The following NHSL1 variants were observed in gnomAD, a reference collection of about 807,000 sequenced individuals.
NHSL1 encodes the protein NHS like 1.
In NHSL1, 48 loss-of-function variants were observed where a neutral mutation model predicts 95.0. That is an observed-to-expected ratio of 0.51 (90% CI 0.40 to 0.64). NHSL1 has a LOEUF of 0.64. Ranked by LOEUF, NHSL1 falls within the 30% of genes least tolerant of loss-of-function variation. The pLI, the probability that NHSL1 is intolerant of heterozygous loss-of-function variation, is 0.00. For missense variants in NHSL1, 1,971 were observed against 2,077.7 expected (o/e 0.95, Z 1.00); for synonymous variants, 783 against 833.9 (o/e 0.94, Z 1.05).
intron 2 of NHSL1, among the ~76,000 whole-genome samples, chr6:138,475,524 G>A (rs73573251): frequency 0.076 from 11,510 of 151,956 alleles, 1,396 homozygotes; most frequent in African/African-American, 0.26. Flanking sequence ...CACTGAACCC[G>A]GTCTGATTAG....
rs942876987 is a variant in NHSL1 at position 138,609,979 on chromosome 6, T to C, written c.96+82497A>G. 2.6e-5 allele frequency among the ~76,000 whole-genome samples: 4 copies of C among 152,102 alleles called. No individual in the cohort carries two copies. The East Asian group carries it at 7.7e-4, about 29-fold the overall frequency. ...CATTTTAAGGCACAGATGTGTTCAG[T>C]TGCATGATGCATCTTAGGCCCCCTG... On this transcript the variant is annotated intron_variant, in intron 1 of 3. Coordinates refer to the NHSL1 transcript ENST00000491526.
intron 1 of NHSL1, among the ~76,000 whole-genome samples, chr6:138,675,387 G>A (rs1191199394): frequency 6.6e-6 from 1 of 152,128 alleles, no homozygotes; most frequent in African/African-American, 2.4e-5. Context: ...GGCAAGTGGA[G>A]GCCTGACCCA....
intron 1 of NHSL1, among the ~76,000 whole-genome samples, chr6:138,608,151 G>A (rs181705062): frequency 8.9e-4 from 136 of 152,330 alleles, no homozygotes; most frequent in African/African-American, 3.1e-3. Flanking sequence ...ATTTTAGCTC[G>A]CGAGAGGATA....
intron 1 of NHSL1, among the ~76,000 whole-genome samples, chr6:138,613,798 A>G (rs915231124): frequency 1.3e-5 from 2 of 152,186 alleles, no homozygotes; most frequent in African/African-American, 4.8e-5. Context: ...TAGGCTGAGA[A>G]AGCAGGAGAA....
At chr6:138,622,298 C>A (rs1041847406) in intron 1 of NHSL1, among the ~76,000 whole-genome samples, 1 of 151,802 alleles carries the variant, frequency 6.6e-6, no homozygotes, top group African/African-American at 2.4e-5. Flanking sequence ...GTCAGGAGAT[C>A]GAGACTATCC....
At chr6:138,511,253 AC>A (rs892436272) in intron 1 of NHSL1, among the ~76,000 whole-genome samples, 1 of 152,194 alleles carries the variant, frequency 6.6e-6, no homozygotes, top group Non-Finnish European at 1.5e-5. Context: ...TTCCTCGTGT[AC>A]CTAACAATAT....
rs1376370268 is a variant in NHSL1, at chr6:138,433,052, C to G, written c.1293G>C (p.Gln431His). 9 of 1,551,416 alleles carry G rather than the reference C, an allele frequency of 5.8e-6. No homozygotes were observed. The Admixed American group carries it at 1.6e-4, about 27-fold the overall frequency. ...SSEVIAIPTA[Q>H]SAGQRESKSS... ...TTTTACTTTCCCGCTGTCCCGCACT[C>G]TGAGCAGTGGGAATAGCGATGACCT... The change falls in exon 6 of 8, where the codon CAG (glutamine) becomes CAC (histidine). Residue 431 changes from glutamine (Q) to histidine (H), a missense_variant. Around this residue, in one of 3 missense-constraint regions of NHSL1, gnomAD observed 1,602 missense variants for 1,654.5 expected, o/e 0.97. Coordinates refer to ENST00000343505, the MANE Select transcript of NHSL1 (RefSeq NM_001144060.2).
At chr6:138,626,523 G>A (rs935870775) in intron 1 of NHSL1, among the ~76,000 whole-genome samples, 4 of 152,088 alleles carry the variant, frequency 2.6e-5, no homozygotes, top group Non-Finnish European at 5.9e-5. Context: ...ACACCTCTTC[G>A]AGCCCATGGT....
intron 1 of NHSL1, among the ~76,000 whole-genome samples, chr6:138,618,320 A>C (rs1358718783): frequency 6.6e-6 from 1 of 152,234 alleles, no homozygotes; most frequent in Admixed American, 6.5e-5. Flanking sequence ...ATTTTCAAAA[A>C]GCTCCTCCAA....
At chr6:138,488,630 G>A (rs1264987130) in intron 2 of NHSL1, among the ~76,000 whole-genome samples, 1 of 152,162 alleles carries the variant, frequency 6.6e-6, no homozygotes, top group Non-Finnish European at 1.5e-5. Flanking sequence ...TCAGGGGTGA[G>A]TGAGGAGACT....
In NHSL1 at chr6:138,645,277, G is replaced by A. The variant is rs182264251; in HGVS notation, c.96+47199C>T. Among the ~76,000 whole-genome samples the A allele has an allele frequency of 8.3e-4, 127 of 152,248 alleles. 2 individuals carry two copies. In the East Asian group the frequency reaches 0.016, roughly 20 times the overall value. ...GTCAATGCATTCCTCCAATGCAACA[G>A]GGCCCCGGGCACTCAGCACTCTGGC... On this transcript the variant is annotated intron_variant, in intron 1 of 3. Transcript: ENST00000491526.
chr6:138,614,355 G>A (rs530664348), intron 1 of NHSL1, among the ~76,000 whole-genome samples: 1 of 152,336 alleles, frequency 6.6e-6, no homozygotes, highest in South Asian at 2.1e-4. Context: ...AAATACTGGA[G>A]TCTGGTGATG....
intron 1 of NHSL1, among the ~76,000 whole-genome samples, chr6:138,609,592 T>C (rs1326439557): frequency 6.6e-6 from 1 of 151,650 alleles, no homozygotes; most frequent in East Asian, 1.9e-4. Flanking sequence ...CTACTAAAAA[T>C]ACAAAAAATT....
intron 1 of NHSL1, among the ~76,000 whole-genome samples, chr6:138,558,955 CAGG>C (rs1460362821): frequency 6.6e-6 from 1 of 151,912 alleles, no homozygotes; most frequent in African/African-American, 2.4e-5. Context: ...GAGGCTGAGG[CAGG>C]AGAATTCCTT....
chr6:138,459,740 G>A (rs1306791897), intron 3 of NHSL1, among the ~76,000 whole-genome samples: 1 of 152,046 alleles, frequency 6.6e-6, no homozygotes, highest in African/African-American at 2.4e-5. Flanking sequence ...GTTAAGTTCT[G>A]CTATATTTTT....
chr6:138,480,205 T>A (rs962454564), intron 2 of NHSL1, among the ~76,000 whole-genome samples: 4 of 152,182 alleles, frequency 2.6e-5, no homozygotes, highest in African/African-American at 9.7e-5. Context: ...CATACTAAAC[T>A]CCTGCAAATC....
intron 2 of NHSL1, among the ~76,000 whole-genome samples, chr6:138,491,175 A>T (rs1780057524): frequency 6.6e-6 from 1 of 152,222 alleles, no homozygotes; most frequent in Non-Finnish European, 1.5e-5. Context: ...TTTCTTCAGG[A>T]AAGAGCTGTG....
intron 1 of NHSL1, among the ~76,000 whole-genome samples, chr6:138,630,843 C>T (rs1040674996): frequency 2.6e-5 from 4 of 152,190 alleles, no homozygotes; most frequent in African/African-American, 7.2e-5. Flanking sequence ...CTCCACCCAT[C>T]GTCCTGCAAA....
At chr6:138,637,072 T>C (rs767567045) in intron 1 of NHSL1, among the ~76,000 whole-genome samples, 1 of 152,074 alleles carries the variant, frequency 6.6e-6, no homozygotes, top group Non-Finnish European at 1.5e-5. Flanking sequence ...TGGAACAGAA[T>C]AGAGAAACCA....
Sources: allele counts gnomAD v4.1 joint callset (sites outside exome capture counted in the v4.1 genomes callset), GRCh38; gene constraint gnomAD v4.1.1; regional missense constraint gnomAD v4.1.1; transcripts MANE v1.5; gene names NCBI Gene and HGNC (gene_info 2026-07-23, HGNC 2026-07-21).